TNPO3: variants seen among roughly 807,000 people sequenced by gnomAD.
TNPO3 encodes the protein transportin 3, also known as transportin-3.
TNPO3 carries 65 observed loss-of-function variants against 122.8 expected under a neutral mutation model. That is an observed-to-expected ratio of 0.53 (90% CI 0.43 to 0.65). The LOEUF is 0.65. Among genes scored for constraint, TNPO3 ranks in the 30% least tolerant of loss-of-function variants. The pLI, the probability that TNPO3 is intolerant of heterozygous loss-of-function variation, is 0.00. For missense variants in TNPO3, 850 were observed against 1,136.7 expected (o/e 0.75, Z 3.63); for synonymous variants, 372 against 411.2 (o/e 0.90, Z 1.15).
At chr7:129,013,865 G>A (rs778219097) in intron 4 of TNPO3, among the ~76,000 whole-genome samples, 37 of 152,126 alleles carry the variant, frequency 2.4e-4, no homozygotes, top group Non-Finnish European at 4.7e-4. Context: ...AGTAAGCCAG[G>A]CACAGAAAGA....
chr7:129,054,463 G>A (rs1584600840), intron 1 of TNPO3, among the ~76,000 whole-genome samples, 188 bp downstream of exon 1: 1 of 152,116 alleles, frequency 6.6e-6, no homozygotes, highest in East Asian at 1.9e-4. Flanking sequence ...GCCAGTTCGC[G>A]ACCGATCAGG....
At chr7:129,027,041 G>A (rs1805272025) in intron 1 of TNPO3, among the ~76,000 whole-genome samples, 1 of 152,104 alleles carries the variant, frequency 6.6e-6, no homozygotes, top group Non-Finnish European at 1.5e-5. Context: ...GCCTCCCAAA[G>A]TGCTAGGATT....
intron 1 of TNPO3, among the ~76,000 whole-genome samples, chr7:129,036,430 G>C (rs1050559975): frequency 6.6e-6 from 1 of 151,958 alleles, no homozygotes; most frequent in Non-Finnish European, 1.5e-5. Context: ...AAAATACCCA[G>C]GTAACTAGAG....
In TNPO3 at chr7:129,000,520, A is replaced by G; in HGVS notation, c.920T>C (p.Leu307Pro). 1.9e-6 allele frequency: 3 copies of G among 1,614,162 alleles called. No individual in the cohort carries two copies. The highest frequency in any genetic ancestry group is 2.5e-6 in the Non-Finnish European group (3 of 1,179,996). Residue 307 changes from leucine to proline, a missense_variant, in exon 7 of 23, where the codon CTT becomes CCT. Physicochemically the swap from Leu to Pro is moderately conservative, Grantham distance 98. Transcript: ENST00000265388. ...GCCTGGAGTACAAACAATTTTTTCA[A>G]GAAAAGTTTCACATAGTTCAGTGAA... The part of the protein sequence containing the change: ...RIFTELCETF[L>P]EKIVCTPGQG...
In TNPO3 at chr7:128,986,874, C is replaced by T; in HGVS notation, c.1545G>A (p.Leu515=). Reference sequence around the variant, plus strand: ...GAATGGCTTTGGCTGCAGCAGAAGCCAGGGGCTTTTCACACAGGCCTTTCA... The same window carrying T: ...GAATGGCTTTGGCTGCAGCAGAAGCTAGGGGCTTTTCACACAGGCCTTTCA... ...YLMKGLCEKP[L]ASAAAKAIHN... Residue 515 remains leucine (L), a synonymous_variant, in exon 12 of 23, where the codon CTG becomes CTA. Transcript: ENST00000265388. 1.2e-6 allele frequency: 2 copies of T among 1,613,786 alleles called. No individual in the cohort carries two copies. The highest frequency in any genetic ancestry group is 2.2e-5 in the South Asian group (2 of 91,044).
chr7:128,978,458 C>T (rs1010572722), intron 16 of TNPO3, among the ~76,000 whole-genome samples: 7 of 152,148 alleles, frequency 4.6e-5, no homozygotes, highest in African/African-American at 9.7e-5. Context: ...CCAAGTCATT[C>T]GCTTCACAGA....
chr7:129,033,684 C>T (rs972414813), intron 1 of TNPO3, among the ~76,000 whole-genome samples: 2 of 152,078 alleles, frequency 1.3e-5, no homozygotes, highest in East Asian at 1.9e-4. Context: ...CTTTAGGAGG[C>T]GGGTGATCAC....
At position 128,997,439 on chromosome 7, in the gene TNPO3, GA is replaced by G; in HGVS notation, c.1107del (p.Gln370ArgfsTer32). 6.2e-7 allele frequency: 1 copy of G among 1,614,202 alleles called. No individual in the cohort carries two copies. Among genetic ancestry groups the G allele is most frequent in the Non-Finnish European group, 8.5e-7 (1 of 1,180,020 alleles). On this transcript the variant is annotated frameshift_variant, in exon 8 of 23. Coordinates refer to ENST00000265388, the MANE Select transcript of TNPO3 (RefSeq NM_012470.4). LOFTEE classifies it high-confidence loss of function. Reference protein sequence around the residue: ...EVIHGIFKAYIQRLLHALARH... With the variant: ...EVIHGIFKAYXQRLLHALARH... Reference sequence around the variant, plus strand: ...CGAGCCAAGGCGTGAAGCAGCCTCTGAATGTAAGCTTTGAAGATGCCATGAA... The same window carrying G: ...CGAGCCAAGGCGTGAAGCAGCCTCTGATGTAAGCTTTGAAGATGCCATGAA...
chr7:129,051,357 CTTT>C (rs34186175), intron 1 of TNPO3, among the ~76,000 whole-genome samples: 9 of 138,458 alleles, frequency 6.5e-5, no homozygotes, highest in Non-Finnish European at 3.2e-5. Context: ...GGTGTGGTGA[CTTT>C]TTTTTTTTTT....
At chr7:129,025,442 C>G (rs1316937748) in intron 1 of TNPO3, among the ~76,000 whole-genome samples, 1 of 131,146 alleles carries the variant, frequency 7.6e-6, no homozygotes, top group Non-Finnish European at 1.6e-5. Context: ...CACTAAGCCA[C>G]TAAGTATAAA....
intron 14 of TNPO3, among the ~76,000 whole-genome samples, chr7:128,981,184 A>G (rs989285014): frequency 6.6e-6 from 1 of 152,256 alleles, no homozygotes; most frequent in Non-Finnish European, 1.5e-5. Flanking sequence ...TTATAAAAGG[A>G]AAACATTGCA....
At chr7:128,959,438 C>T (rs981134510) in intron 21 of TNPO3, among the ~76,000 whole-genome samples, 20 of 152,206 alleles carry the variant, frequency 1.3e-4, no homozygotes, top group African/African-American at 4.3e-4. Context: ...CTCAAGCTAT[C>T]GTCCTGCCTC....
chr7:129,014,510 C>A (rs1303717788), intron 4 of TNPO3, among the ~76,000 whole-genome samples: 3 of 151,946 alleles, frequency 2.0e-5, no homozygotes, highest in Non-Finnish European at 4.4e-5. Context: ...GAGACAGAGA[C>A]CCTGCTTCAA....
chr7:129,010,672 T>C (rs138003524), intron 4 of TNPO3, among the ~76,000 whole-genome samples: 3 of 152,284 alleles, frequency 2.0e-5, no homozygotes, highest in Admixed American at 1.3e-4. Context: ...GCATCACTAA[T>C]AGAAGGTCAA....
intron 1 of TNPO3, among the ~76,000 whole-genome samples, chr7:129,043,829 T>G (rs745586156): frequency 1.3e-5 from 2 of 152,176 alleles, no homozygotes; most frequent in South Asian, 4.1e-4. Context: ...GCTTTAAAAA[T>G]AGAAAATGCC....
At chr7:129,032,417 G>C (rs1003528398) in intron 1 of TNPO3, among the ~76,000 whole-genome samples, 1 of 151,992 alleles carries the variant, frequency 6.6e-6, no homozygotes, top group Non-Finnish European at 1.5e-5. Flanking sequence ...AATAATCTCT[G>C]GTCACATATA....
chr7:129,033,203 A>C (rs978598364), intron 1 of TNPO3, among the ~76,000 whole-genome samples: 1 of 152,210 alleles, frequency 6.6e-6, no homozygotes, highest in Non-Finnish European at 1.5e-5. Context: ...TGAAACTATA[A>C]AACTCTTAGA....
intron 20 of TNPO3, 23 bp from the exon 21 acceptor site, chr7:128,967,415 A>T (rs1430311736): frequency 6.6e-7 from 1 of 1,504,836 alleles, no homozygotes; most frequent in Non-Finnish European, 9.3e-7. Context: ...GAGGGGTAAG[A>T]GTTTTAAAAG....
intron 10 of TNPO3, among the ~76,000 whole-genome samples, chr7:128,991,496 T>C (rs973467432): frequency 8.5e-5 from 13 of 152,218 alleles, no homozygotes; most frequent in African/African-American, 2.4e-4. Flanking sequence ...TTTGAATAAT[T>C]TGAAATTTTT....
Sources: allele counts gnomAD v4.1 joint callset (sites outside exome capture counted in the v4.1 genomes callset), GRCh38; gene constraint gnomAD v4.1.1; transcripts MANE v1.5; gene names NCBI Gene and HGNC (gene_info 2026-07-23, HGNC 2026-07-21).